The following CCDC158 variants were observed in gnomAD, a reference collection of about 807,000 sequenced individuals.
CCDC158 encodes coiled-coil domain containing 158.
In CCDC158, 116 loss-of-function variants were observed where a neutral mutation model predicts 138.6. The observed-to-expected ratio is 0.84, with a 90% confidence interval of 0.72 to 0.98. The LOEUF is 0.98. CCDC158 is among the 50% of genes least tolerant of loss of function. The pLI, the probability that CCDC158 is intolerant of heterozygous loss-of-function variation, is 0.00. For missense variants in CCDC158, 1,265 were observed against 1,306.1 expected, an observed-to-expected ratio of 0.97 and a Z score of 0.48; for synonymous variants, 436 against 442.4, an observed-to-expected ratio of 0.99 and a Z score of 0.18.
chr4:76,325,887 T>A lies in CCDC158; in HGVS notation c.3139A>T (p.Lys1047Ter). 1 of 1,612,474 alleles carries A rather than the reference T, an allele frequency of 6.2e-7. No individual in the cohort carries two copies. Among genetic ancestry groups the A allele is most frequent in the Non-Finnish European group, 8.5e-7 (1 of 1,179,348 alleles). The change falls in exon 23 of 25, where the codon AAA (lysine) becomes TAA (stop). Residue 1047 changes from lysine to a stop codon, truncating the protein, a stop_gained. Transcript: ENST00000682701. LOFTEE classifies it high-confidence loss of function. The part of the protein sequence containing the change: ...IGSTSQYRSA[K>*]PIHSSDSVKD... ...ACAGAATCAGATGAATGAATAGGTT[T>A]GGCAGATCTATACTGTGATGTGGAA...
rs1443108329 is a variant in CCDC158 at position 76,351,715 on chromosome 4, C to T, written c.2538+5G>A. On this transcript the variant is annotated splice_donor_5th_base_variant and intron_variant, in intron 17 of 24. Transcript: ENST00000682701. ...CGCTTAAACTAATATTTATGATGAC[C>T]TTACTTTTATATCCAAAGTGTGTTG... is the stretch of plus-strand genomic sequence containing the variant. 2 of 1,584,776 alleles carry T rather than the reference C, an allele frequency of 1.3e-6. No homozygotes were observed. The highest frequency in any genetic ancestry group is 1.7e-6 in the Non-Finnish European group (2 of 1,154,156).
chr4:76,373,664 T>C (rs541966236), intron 9 of CCDC158, among the ~76,000 whole-genome samples: 3 of 152,294 alleles, frequency 2.0e-5, no homozygotes, highest in East Asian at 3.9e-4. Context: ...ATAGAAGTTA[T>C]ATATATATCC....
chr4:76,324,115 C>T (rs935324990), intron 23 of CCDC158, among the ~76,000 whole-genome samples: 2 of 151,986 alleles, frequency 1.3e-5, no homozygotes, highest in African/African-American at 4.8e-5. Flanking sequence ...CAAAAAATAC[C>T]CTTTTCATTA....
intron 24 of CCDC158, among the ~76,000 whole-genome samples, chr4:76,316,067 C>T (rs896905564): frequency 1.3e-5 from 2 of 152,114 alleles, no homozygotes; most frequent in African/African-American, 4.8e-5. Flanking sequence ...GATAACATCC[C>T]CAAAAGGCCA....
At chr4:76,379,822 G>T (rs921368365) in intron 8 of CCDC158, among the ~76,000 whole-genome samples, 2 of 151,268 alleles carry the variant, frequency 1.3e-5, no homozygotes, top group South Asian at 2.1e-4. Flanking sequence ...ATGTCAAATT[G>T]TAATCCCCAC....
Position 76,362,260 on chromosome 4 carries a change from T to A in CCDC158, c.1886A>T (p.Asp629Val). The change falls in exon 13 of 25, where the codon GAC (aspartate) becomes GTC (valine). Residue 629 changes from aspartate (D) to valine (V), a missense_variant. Physicochemically the swap from Asp to Val is radical, Grantham distance 152. Transcript: ENST00000682701. ...CAGCTTCACCTTTTCCAGCTCCAAGTCACTCACTCTGGCCTCAAGCTCCCG... is the reference window on the plus strand; with the variant it reads ...CAGCTTCACCTTTTCCAGCTCCAAGACACTCACTCTGGCCTCAAGCTCCCG... ...KIRELEARVS[D>V]LELEKVKLVN... 2 of 1,614,158 alleles carry A rather than the reference T, an allele frequency of 1.2e-6. No individual in the cohort carries two copies. The highest frequency in any genetic ancestry group is 2.2e-5 in the East Asian group (1 of 44,880).
Position 76,353,194 on chromosome 4 carries a change from A to G in CCDC158, c.2374T>C (p.Leu792=). The G allele has an allele frequency of 5.6e-6, 9 of 1,613,570 alleles. No individual in the cohort carries two copies. The highest frequency in any genetic ancestry group is 7.6e-6 in the Non-Finnish European group (9 of 1,179,816). The change falls in exon 16 of 25, where the codon TTG becomes CTG. Residue 792 remains leucine, a synonymous_variant. Coordinates refer to ENST00000682701, the MANE Select transcript of CCDC158 (RefSeq NM_001394954.1). ...ATEKNKMAGE[L]EVLRSQERRL... is the part of the protein sequence containing the mutation. Reference sequence around the variant, plus strand: ...CGTTCCTGAGATCGCAGAACTTCCAACTCCCCAGCCATCTTGTTTTTTTCT... The same window carrying G: ...CGTTCCTGAGATCGCAGAACTTCCAGCTCCCCAGCCATCTTGTTTTTTTCT...
intron 4 of CCDC158, among the ~76,000 whole-genome samples, chr4:76,389,356 A>G (rs191951324): frequency 8.2e-4 from 125 of 152,168 alleles, no homozygotes; most frequent in African/African-American, 3.0e-3. Context: ...AATATCAGAA[A>G]TGATCAAGCA....
intron 18 of CCDC158, among the ~76,000 whole-genome samples, chr4:76,343,916 T>A (rs903544656): frequency 2.6e-5 from 4 of 152,130 alleles, no homozygotes. Flanking sequence ...GGGCAAAAGC[T>A]GGAAGCATTC....
intron 18 of CCDC158, chr4:76,344,851 A>G: frequency 6.3e-7 from 1 of 1,588,838 alleles, no homozygotes; most frequent in Non-Finnish European, 8.6e-7. Context: ...TCTATGACCA[A>G]AGAAGAATTT....
chr4:76,420,190 A>G (rs1730002986), intron 1 of CCDC158, among the ~76,000 whole-genome samples: 1 of 151,932 alleles, frequency 6.6e-6, no homozygotes, highest in African/African-American at 2.4e-5. Flanking sequence ...GAGCTTCCGC[A>G]CAGAGAAACA....
chr4:76,413,621 G>A (rs1423584909), intron 1 of CCDC158, among the ~76,000 whole-genome samples: 1 of 152,158 alleles, frequency 6.6e-6, no homozygotes, highest in Non-Finnish European at 1.5e-5. Context: ...TATATATGTG[G>A]AGGGCTTCCT....
In CCDC158 at chr4:76,342,821, T is replaced by C. The variant is rs140455827; in HGVS notation, c.2664+8175A>G. 1.6e-3 allele frequency among the ~76,000 whole-genome samples: 245 copies of C among 152,328 alleles called. 1 individual carries two copies. The highest frequency in any genetic ancestry group is 5.7e-3 in the African/African-American group (237 of 41,572). On this transcript the variant is annotated intron_variant, in intron 18 of 24. Coordinates refer to ENST00000682701, the MANE Select transcript of CCDC158 (RefSeq NM_001394954.1). Reference sequence around the variant, plus strand: ...ACAGTACCTGCACAGAAGCTGCCAATGTGAAGCAAGCTACCATGCCTCTGA... The same window carrying C: ...ACAGTACCTGCACAGAAGCTGCCAACGTGAAGCAAGCTACCATGCCTCTGA...
At chr4:76,377,373 GA>G (rs1725814726) in intron 9 of CCDC158, among the ~76,000 whole-genome samples, 2 of 152,204 alleles carry the variant, frequency 1.3e-5, no homozygotes, top group South Asian at 4.1e-4. Context: ...GATTATTCAT[GA>G]ATATGCATTA....
rs376345467 is a variant in CCDC158, at chr4:76,331,391, C to T, written c.2895G>A (p.Ser965=). Residue 965 remains serine, a synonymous_variant, in exon 21 of 25, where the codon TCG becomes TCA. Coordinates refer to ENST00000682701, the MANE Select transcript of CCDC158 (RefSeq NM_001394954.1). The part of the protein sequence containing the change: ...RSDMCHRSNN[S]LRDSTEGSKS... ...TGCTTCCTTCAGTGGAGTCCCTCAA[C>T]GAGTTGTTGCTTCTGTTGGTAGAGG... The T allele has an allele frequency of 5.6e-5, 91 of 1,613,660 alleles. 1 individual carries two copies. Among genetic ancestry groups the T allele is most frequent in the East Asian group, 1.8e-4 (8 of 44,876 alleles).
At chr4:76,354,534 G>A (rs1422509884) in intron 15 of CCDC158, among the ~76,000 whole-genome samples, 1 of 152,044 alleles carries the variant, frequency 6.6e-6, no homozygotes, top group Non-Finnish European at 1.5e-5. Context: ...TTTTTCCAAA[G>A]TAATGGATAT....
At chr4:76,403,650 T>C (rs1728589145) in intron 2 of CCDC158, among the ~76,000 whole-genome samples, 1 of 152,194 alleles carries the variant, frequency 6.6e-6, no homozygotes. Context: ...TGATGTCAAA[T>C]AGTGCTCACA....
intron 24 of CCDC158, among the ~76,000 whole-genome samples, chr4:76,314,317 A>G (rs926713584): frequency 6.6e-6 from 1 of 152,272 alleles, no homozygotes; most frequent in Non-Finnish European, 1.5e-5. Context: ...GATCAATAAG[A>G]TAATGCATCT....
At chr4:76,329,215 T>G (rs181289120) in intron 21 of CCDC158, among the ~76,000 whole-genome samples, 104 of 152,332 alleles carry the variant, frequency 6.8e-4, no homozygotes, top group African/African-American at 2.2e-3. Flanking sequence ...AATCCATTTT[T>G]GCATACTAAT....
Sources: allele counts gnomAD v4.1 joint callset (sites outside exome capture counted in the v4.1 genomes callset), GRCh38; gene constraint gnomAD v4.1.1; transcripts MANE v1.5; gene names NCBI Gene and HGNC (gene_info 2026-07-23, HGNC 2026-07-21).